Variants in NR1H4 observed in about 807,000 individuals in gnomAD.
The protein encoded by NR1H4 is nuclear receptor subfamily 1 group H member 4, also known as bile acid receptor.
NR1H4 carries 23 observed loss-of-function variants against 58.5 expected under a neutral mutation model. That is an observed-to-expected ratio of 0.39 (90% CI 0.28 to 0.56). The LOEUF (loss-of-function observed/expected upper bound fraction) is 0.56, where lower values mean the gene tolerates loss of function less well. Ranked by LOEUF, NR1H4 falls within the 20% of genes least tolerant of loss-of-function variation. NR1H4 has a pLI of 0.58. For synonymous variants in NR1H4, 214 were observed against 198.0 expected (o/e 1.08, Z -0.68); for missense variants, 487 against 576.9 (o/e 0.84, Z 1.60).
At chr12:100,512,113 G>T (rs886369576) in intron 4 of NR1H4, among the ~76,000 whole-genome samples, 2 of 151,910 alleles carry the variant, frequency 1.3e-5, no homozygotes, top group Admixed American at 6.6e-5. Flanking sequence ...CACGCATGTT[G>T]TCCCAGCTAC....
At chr12:100,552,683 G>A (rs574109319) in intron 9 of NR1H4, among the ~76,000 whole-genome samples, 1 of 152,288 alleles carries the variant, frequency 6.6e-6, no homozygotes, top group East Asian at 1.9e-4. Context: ...AACATTTAAG[G>A]AGGCCAAGGT....
intron 9 of NR1H4, among the ~76,000 whole-genome samples, chr12:100,545,076 G>T (rs998985331): frequency 6.6e-6 from 1 of 152,118 alleles, no homozygotes; most frequent in African/African-American, 2.4e-5. Flanking sequence ...TCTGGTGGTT[G>T]TTCTATCTTT....
intron 1 of NR1H4, among the ~76,000 whole-genome samples, chr12:100,477,913 G>A (rs1008389202): frequency 1.3e-5 from 2 of 152,090 alleles, no homozygotes; most frequent in Non-Finnish European, 2.9e-5. Flanking sequence ...GGGCTTCAGG[G>A]GGCCAGGGTC....
intron 6 of NR1H4, among the ~76,000 whole-genome samples, chr12:100,535,326 AT>A (rs1450317520): frequency 6.6e-6 from 1 of 152,194 alleles, no homozygotes; most frequent in African/African-American, 2.4e-5. Context: ...ATTGATGACC[AT>A]TTTTTCCCTC....
At chr12:100,506,961 T>C (rs893719550) in intron 3 of NR1H4, among the ~76,000 whole-genome samples, 2 of 152,250 alleles carry the variant, frequency 1.3e-5, no homozygotes, top group Non-Finnish European at 2.9e-5. Context: ...TATTATTATC[T>C]GACTTGACTT....
intron 3 of NR1H4, among the ~76,000 whole-genome samples, chr12:100,494,995 C>T (rs1378889570): frequency 6.6e-6 from 1 of 152,154 alleles, no homozygotes; most frequent in African/African-American, 2.4e-5. Flanking sequence ...GCCCAATTTT[C>T]AGCCAGCACA....
chr12:100,489,526 ATTC>A (rs562174944), intron 1 of NR1H4, among the ~76,000 whole-genome samples: 111 of 152,332 alleles, frequency 7.3e-4, no homozygotes, highest in African/African-American at 2.4e-3. Flanking sequence ...GTCATAAAAT[ATTC>A]TTCTTTTGTT....
intron 7 of NR1H4, 82 bp downstream of exon 7, chr12:100,536,692 G>A (rs1197209927): frequency 3.7e-6 from 3 of 803,928 alleles, no homozygotes; most frequent in South Asian, 1.5e-5. Context: ...TAATTTATAT[G>A]TGAATATGTT....
chr12:100,494,512 G>A (rs1953670389), intron 3 of NR1H4, among the ~76,000 whole-genome samples: 1 of 152,222 alleles, frequency 6.6e-6, no homozygotes. Flanking sequence ...GGAAAAAACA[G>A]ATGTTGATCC....
At chr12:100,488,821 CAG>C (rs1350085758) in intron 1 of NR1H4, among the ~76,000 whole-genome samples, 2 of 152,140 alleles carry the variant, frequency 1.3e-5, no homozygotes, top group African/African-American at 2.4e-5. Context: ...TATAATACAT[CAG>C]AAATTATATT....
chr12:100,557,448 T>C (rs1034778759), intron 9 of NR1H4, among the ~76,000 whole-genome samples: 1 of 152,260 alleles, frequency 6.6e-6, no homozygotes, highest in Admixed American at 6.5e-5. Flanking sequence ...GAGGATTACA[T>C]TTCAACATGA....
At chr12:100,475,124 C>CCTATCTTTCTATCTATCTAT (rs1953238820) in intron 1 of NR1H4, among the ~76,000 whole-genome samples, 2 of 143,086 alleles carry the variant, frequency 1.4e-5, no homozygotes, top group African/African-American at 5.5e-5. Flanking sequence ...AAGTGGTTTA[C>CCTATCTTTCTATCTATCTAT]CTATCTATCT....
rs748516742 is a variant in NR1H4, at chr12:100,536,897, TATC to T, written c.832-48_832-46del. Reference sequence around the variant, plus strand: ...TTTCTTTAGTCTAATGGTTTTATATTATCATTTTCTTATCTACTTTTTAATCAT... The same window carrying T: ...TTTCTTTAGTCTAATGGTTTTATATTATTTTCTTATCTACTTTTTAATCAT... On this transcript the variant is annotated intron_variant, in intron 7 of 10. Transcript: ENST00000392986. 5 of 1,087,164 alleles carry T rather than the reference TATC, an allele frequency of 4.6e-6. No homozygotes were observed. In the African/African-American group the frequency reaches 8.0e-5, roughly 17 times the overall value. 67.3% of individuals were successfully genotyped at this position (1,087,164 alleles called of 1,614,324 possible). A position where few individuals can be genotyped will look rare whatever the true frequency, so the allele number is the denominator to read the frequency against.
At chr12:100,514,064 C>T (rs1250888788) in intron 4 of NR1H4, among the ~76,000 whole-genome samples, 1 of 152,164 alleles carries the variant, frequency 6.6e-6, no homozygotes. Flanking sequence ...AAAGATGAAG[C>T]TTATAGGATG....
chr12:100,527,557 A>G (rs2136215695), intron 4 of NR1H4, among the ~76,000 whole-genome samples: 1 of 152,320 alleles, frequency 6.6e-6, no homozygotes, highest in East Asian at 1.9e-4. Flanking sequence ...AAAAGAGTGT[A>G]GGGTGTGAGC....
intron 9 of NR1H4, among the ~76,000 whole-genome samples, chr12:100,556,784 G>C (rs982027058): frequency 1.3e-5 from 2 of 152,132 alleles, no homozygotes; most frequent in Non-Finnish European, 2.9e-5. Context: ...GTCTGAAATG[G>C]GGATAGTAAT....
intron 3 of NR1H4, among the ~76,000 whole-genome samples, chr12:100,502,484 T>A (rs994955078): frequency 6.6e-6 from 1 of 152,174 alleles, no homozygotes; most frequent in Non-Finnish European, 1.5e-5. Flanking sequence ...TCCCTCTCTG[T>A]GTTTCTGTCT....
intron 1 of NR1H4, among the ~76,000 whole-genome samples, chr12:100,491,550 A>G (rs1020643556): frequency 6.7e-6 from 1 of 150,298 alleles, no homozygotes; most frequent in African/African-American, 2.5e-5. Flanking sequence ...TGAAAATTAC[A>G]TATGTCTCTA....
At chr12:100,536,749 C>G in intron 7 of NR1H4, 139 bp downstream of exon 7, 1 of 685,446 alleles carries the variant, frequency 1.5e-6, no homozygotes, top group Non-Finnish European at 2.5e-6. Context: ...CTTTTAAACT[C>G]TCAGCAACAT....
Sources: gnomAD v4.1 joint callset for allele counts (sites outside exome capture counted in the v4.1 genomes callset) on GRCh38, gnomAD v4.1.1 for gene constraint, MANE v1.5 for transcripts, NCBI Gene and HGNC (gene_info 2026-07-23, HGNC 2026-07-21) for gene names.